The following METTL4 variants were observed in gnomAD, a reference collection of about 807,000 sequenced individuals.
The protein encoded by METTL4 is N(6)-adenine-specific methyltransferase METTL4.
In METTL4, 40 loss-of-function variants were observed where a neutral mutation model predicts 54.0. The ratio of observed to expected loss-of-function variants is 0.74; its 90% confidence interval spans 0.58 to 0.96. The LOEUF is 0.96. METTL4 is among the 50% of genes least tolerant of loss of function. The pLI is 0.00. For missense variants in METTL4, 525 were observed against 549.0 expected, an observed-to-expected ratio of 0.96 and a Z score of 0.44; for synonymous variants, 169 against 183.8, an observed-to-expected ratio of 0.92 and a Z score of 0.65.
intron 2 of METTL4, among the ~76,000 whole-genome samples, chr18:2,566,095 TAAAC>T (rs1333458792): frequency 1.0e-4 from 15 of 148,652 alleles, no homozygotes; most frequent in South Asian, 4.2e-4. Flanking sequence ...ATAAATAAAA[TAAAC>T]AAATAAATAA....
At chr18:2,559,382 C>T (rs7241184) in intron 3 of METTL4, among the ~76,000 whole-genome samples, 149,359 of 152,228 alleles carry the variant, frequency 0.98, 73,336 homozygotes, top group East Asian at 1. Context: ...ATTTAACTTA[C>T]ATGAGGTATA....
intron 2 of METTL4, among the ~76,000 whole-genome samples, chr18:2,565,064 G>A (rs891611648): frequency 1.3e-5 from 2 of 152,154 alleles, no homozygotes; most frequent in African/African-American, 4.8e-5. Flanking sequence ...GAGGCAGGTG[G>A]ATCACCTGAG....
chr18:2,542,815 A>G (rs2072012807), intron 8 of METTL4, among the ~76,000 whole-genome samples: 1 of 152,166 alleles, frequency 6.6e-6, no homozygotes, highest in African/African-American at 2.4e-5. Flanking sequence ...ATATGTCTCA[A>G]ATGAAGTAAT....
intron 3 of METTL4, chr18:2,562,188 A>T (rs1408579844): frequency 2.0e-5 from 3 of 152,910 alleles, no homozygotes; most frequent in Non-Finnish European, 4.4e-5. Context: ...CCTGGGCAAC[A>T]TAGTTAAGAC....
rs199807273 is a variant in METTL4, at chr18:2,566,545, G to GT, written c.396+275dup. Reference sequence around the variant, plus strand: ...GAGTTTTTTGTTTGGCTTTTTGTTTGTTTTTTTGCTGTCTGGGTTTATTTT... The same window carrying GT: ...GAGTTTTTTGTTTGGCTTTTTGTTTGTTTTTTTTGCTGTCTGGGTTTATTTT... On this transcript the variant is annotated intron_variant, in intron 2 of 8. Transcript: ENST00000574538. The GT allele has an allele frequency of 5.2e-3, 971 of 186,518 alleles. 10 individuals carry two copies. Among genetic ancestry groups the GT allele is most frequent in the African/African-American group, 0.021 (899 of 42,900 alleles). 11.6% of individuals were successfully genotyped at this position (186,518 alleles called of 1,614,324 possible).
At position 2,571,268 on chromosome 18, in the gene METTL4, C is replaced by T. The variant is rs1673669613; in HGVS notation, c.-558G>A. 1 of 152,262 alleles carries T rather than the reference C, an allele frequency of 6.6e-6. No individual in the cohort carries two copies. The highest frequency in any genetic ancestry group is 1.5e-5 in the Non-Finnish European group (1 of 68,080). The allele number at this position is 152,262 out of a possible 1,614,324, so 9.4% of individuals were successfully genotyped here. On this transcript the variant is annotated 5_prime_UTR_variant, in exon 1 of 9. Coordinates refer to ENST00000574538, the MANE Select transcript of METTL4 (RefSeq NM_022840.5). ...CAGTCCACAGAGAAAAAGCTTTCTCCTTTTCTAAGAGTCCATGGGCGCCGC... is the reference window on the plus strand; with the variant it reads ...CAGTCCACAGAGAAAAAGCTTTCTCTTTTTCTAAGAGTCCATGGGCGCCGC...
chr18:2,554,575 A>T (rs2072208649), intron 4 of METTL4, 94 bp downstream of exon 4: 1 of 1,146,718 alleles, frequency 8.7e-7, no homozygotes. Flanking sequence ...ATCCTCATAA[A>T]TGCTGACCCA....
At chr18:2,552,822 T>A in intron 4 of METTL4, 58 bp from the exon 5 acceptor site, 1 of 1,149,400 alleles carries the variant, frequency 8.7e-7, no homozygotes, top group Non-Finnish European at 1.3e-6. Context: ...CTTTAAAAAC[T>A]AAACATGTTC....
rs142905097 is a variant in METTL4, at chr18:2,547,495, T to C, written c.934A>G (p.Ile312Val). ...GGAGCAGCCAATTTAGGGATAGGTA[T>C]TTGCTGTATTTGCAGGGGTGACAAA... ...SYLSPLQIQQIPIPKLAAPNC... is the reference protein window; with the variant it reads ...SYLSPLQIQQVPIPKLAAPNC... The change falls in exon 6 of 9, where the codon ATA (isoleucine) becomes GTA (valine). Residue 312 changes from isoleucine to valine, a missense_variant. Ile to Val is a conservative substitution (Grantham distance 29). Coordinates refer to ENST00000574538, the MANE Select transcript of METTL4 (RefSeq NM_022840.5). The C allele has an allele frequency of 1.2e-6, 2 of 1,602,312 alleles. No homozygotes were observed. The highest frequency in any genetic ancestry group is 1.3e-5 in the African/African-American group (1 of 74,204).
chr18:2,546,175 A>C (rs2072067036), intron 6 of METTL4, among the ~76,000 whole-genome samples: 3 of 152,072 alleles, frequency 2.0e-5, no homozygotes, highest in Admixed American at 2.0e-4. Flanking sequence ...AGGTATAAAT[A>C]AACAATATAC....
At chr18:2,550,569 C>T (rs73938960) in intron 5 of METTL4, among the ~76,000 whole-genome samples, 1,830 of 152,310 alleles carry the variant, frequency 0.012, 24 homozygotes, top group South Asian at 0.043. Flanking sequence ...TTTGAAGGTG[C>T]AGTCCTGAAG....
Position 2,567,156 on chromosome 18 carries a change from T to A in METTL4, c.61A>T (p.Lys21Ter). The A allele has an allele frequency of 1.2e-6, 2 of 1,613,884 alleles. No individual in the cohort carries two copies. The highest frequency in any genetic ancestry group is 1.7e-6 in the Non-Finnish European group (2 of 1,179,852). Residue 21 changes from lysine (K) to a stop codon, truncating the protein, a stop_gained, in exon 2 of 9, where the codon AAG becomes TAG. Transcript: ENST00000574538. LOFTEE classifies it high-confidence loss of function. ...TGCTGGTGAAGTTGATAGTTTATCT[T>A]GTTGATAAAAGAAAGATGATCCAGT... The part of the protein sequence containing the change: ...WLLDHLSFIN[K>*]INYQLHQHHE...
At position 2,547,208 on chromosome 18, in the gene METTL4, T is replaced by C. The variant is rs901743694; in HGVS notation, c.1074+147A>G. ...AAATATAGCCTTGAGAATAAAAATA[T>C]AAAAGTGGTAAGCAGCAAAGCAAAA... On this transcript the variant is annotated intron_variant, in intron 6 of 8. Coordinates refer to ENST00000574538, the MANE Select transcript of METTL4 (RefSeq NM_022840.5). The C allele has an allele frequency of 5.8e-6, 3 of 520,706 alleles. 1 individual carries two copies. The highest frequency in any genetic ancestry group is 1.7e-4 in the South Asian group (2 of 11,944). The allele number at this position is 520,706 out of a possible 1,614,324, so 32.3% of individuals were successfully genotyped here. A position where few individuals can be genotyped will look rare whatever the true frequency, so the allele number is the denominator to read the frequency against.
Position 2,537,645 on chromosome 18 carries a change from A to C in METTL4, c.*1355T>G. On this transcript the variant is annotated 3_prime_UTR_variant, in exon 9 of 9. Transcript: ENST00000574538. ...CTATACTCACACACTCAAAGGATGA[A>C]CAAACTTCAAAAATAACATATTTTT... 1 of 373,280 alleles carries C rather than the reference A, an allele frequency of 2.7e-6. No individual in the cohort carries two copies. The highest frequency in any genetic ancestry group is 4.7e-6 in the Non-Finnish European group (1 of 210,830). 23.1% of individuals were successfully genotyped at this position (373,280 alleles called of 1,614,324 possible).
intron 8 of METTL4, among the ~76,000 whole-genome samples, chr18:2,542,435 G>A (rs2072006417): frequency 7.0e-6 from 1 of 143,268 alleles, no homozygotes; most frequent in Non-Finnish European, 1.5e-5. Flanking sequence ...TGTCTCCTGA[G>A]GCTCATCTTT....
At chr18:2,570,629 C>T (rs1343656627) in intron 1 of METTL4, among the ~76,000 whole-genome samples, 4 of 152,156 alleles carry the variant, frequency 2.6e-5, no homozygotes, top group South Asian at 2.1e-4. Context: ...TTAATATAAT[C>T]CTTGGTTCCT....
intron 3 of METTL4, among the ~76,000 whole-genome samples, chr18:2,560,961 A>G (rs1030685052): frequency 1.3e-5 from 2 of 152,236 alleles, no homozygotes; most frequent in Non-Finnish European, 2.9e-5. Flanking sequence ...AGGATGGTTA[A>G]TTGAGGAAGA....
intron 8 of METTL4, among the ~76,000 whole-genome samples, chr18:2,543,522 A>G (rs1039533154): frequency 2.0e-5 from 3 of 152,186 alleles, no homozygotes; most frequent in African/African-American, 7.2e-5. Flanking sequence ...AGAGGACTAA[A>G]TATCATTATT....
At chr18:2,567,935 C>T (rs899515325) in intron 1 of METTL4, among the ~76,000 whole-genome samples, 3 of 152,222 alleles carry the variant, frequency 2.0e-5, no homozygotes, top group African/African-American at 7.2e-5. Flanking sequence ...CCTAGCAAAA[C>T]CGCAAGGTTA....
Sources: allele counts gnomAD v4.1 joint callset (sites outside exome capture counted in the v4.1 genomes callset), GRCh38; gene constraint gnomAD v4.1.1; transcripts MANE v1.5; gene names NCBI Gene and HGNC (gene_info 2026-07-23, HGNC 2026-07-21).